Variants in TBCK observed in about 807,000 individuals in gnomAD.
TBCK encodes TBC1 domain containing kinase, also known as TBC domain-containing protein kinase-like protein.
In TBCK, 99 loss-of-function variants were observed where a neutral mutation model predicts 113.4. That is an observed-to-expected ratio of 0.87 (90% CI 0.74 to 1.03). The LOEUF is 1.03. TBCK is among the 50% of genes least tolerant of loss of function. The pLI, the probability that TBCK is intolerant of heterozygous loss-of-function variation, is 0.00. For synonymous variants in TBCK, 369 were observed against 370.8 expected (o/e 1.00, Z 0.05); for missense variants, 1,045 against 1,061.3 (o/e 0.98, Z 0.21).
intron 3 of TBCK, among the ~76,000 whole-genome samples, chr4:106,273,045 T>C (rs1041624461): frequency 1.3e-5 from 2 of 152,196 alleles, no homozygotes; most frequent in South Asian, 4.1e-4. Context: ...ACTATAAGTA[T>C]AGCCCTTTAA....
chr4:106,205,931 T>C (rs1755449844), intron 20 of TBCK, among the ~76,000 whole-genome samples: 1 of 152,056 alleles, frequency 6.6e-6, no homozygotes, highest in African/African-American at 2.4e-5. Flanking sequence ...GGTAAAACAA[T>C]ACCACTATTG....
At chr4:106,303,609 A>T (rs1222065933) in intron 2 of TBCK, among the ~76,000 whole-genome samples, 1 of 152,092 alleles carries the variant, frequency 6.6e-6, no homozygotes, top group Non-Finnish European at 1.5e-5. Context: ...CCCCAGAGTA[A>T]CCTTGAAAAC....
At chr4:106,148,270 C>T (rs893157456) in intron 23 of TBCK, among the ~76,000 whole-genome samples, 1 of 152,222 alleles carries the variant, frequency 6.6e-6, no homozygotes. Flanking sequence ...CTGTGACCCA[C>T]ACCTATTCGC....
At chr4:106,080,218 A>C (rs1738695711) in intron 25 of TBCK, among the ~76,000 whole-genome samples, 1 of 152,144 alleles carries the variant, frequency 6.6e-6, no homozygotes, top group South Asian at 2.1e-4. Flanking sequence ...AAAAAGTCCA[A>C]ATCATCAAAG....
chr4:106,292,442 C>A (rs1415581171), intron 3 of TBCK, among the ~76,000 whole-genome samples: 2 of 151,692 alleles, frequency 1.3e-5, no homozygotes, highest in Admixed American at 6.6e-5. Flanking sequence ...TGGTGGTGGG[C>A]GCCTGTAGTC....
intron 22 of TBCK, among the ~76,000 whole-genome samples, chr4:106,179,587 T>G (rs1752091247): frequency 6.6e-6 from 1 of 152,140 alleles, no homozygotes; most frequent in Non-Finnish European, 1.5e-5. Context: ...TTTCTAATTT[T>G]ATTCCATTGT....
intron 24 of TBCK, among the ~76,000 whole-genome samples, chr4:106,098,208 GC>G (rs1272749200): frequency 6.6e-6 from 1 of 151,876 alleles, no homozygotes; most frequent in Non-Finnish European, 1.5e-5. Context: ...TTTTAAAAAG[GC>G]CTTTCTCATT....
At chr4:106,212,589 A>T (rs1267492049) in intron 20 of TBCK, among the ~76,000 whole-genome samples, 161 bp downstream of exon 20, 1 of 152,210 alleles carries the variant, frequency 6.6e-6, no homozygotes, top group Non-Finnish European at 1.5e-5. Flanking sequence ...GGAAATATGG[A>T]AAGTAGCCAC....
At chr4:106,118,010 A>G (rs1015994758) in intron 23 of TBCK, among the ~76,000 whole-genome samples, 1 of 149,856 alleles carries the variant, frequency 6.7e-6, no homozygotes, top group African/African-American at 2.4e-5. Context: ...CTCCGTCTCA[A>G]AAAAAAAAAA....
rs530468232 is a variant in TBCK at position 106,163,810 on chromosome 4, T to C, written c.2235+7285A>G. On this transcript the variant is annotated intron_variant, in intron 23 of 25. Transcript: ENST00000394708. The stretch of plus-strand genomic sequence containing the variant: ...AATTACTACAATTCAAGATCAGACT[T>C]TGGGTGGGAACACAGTCAAACCATA... Among the ~76,000 whole-genome samples the C allele has an allele frequency of 1.2e-4, 18 of 152,218 alleles. No homozygotes were observed. The East Asian group carries it at 3.5e-3, about 30-fold the overall frequency.
intron 1 of TBCK, among the ~76,000 whole-genome samples, chr4:106,315,331 A>G (rs1400569789): frequency 6.6e-6 from 1 of 152,194 alleles, no homozygotes; most frequent in Non-Finnish European, 1.5e-5. Context: ...AACGACTCGA[A>G]TGGGGAAAGA....
intron 20 of TBCK, among the ~76,000 whole-genome samples, chr4:106,205,534 A>T (rs868758871): frequency 1.3e-3 from 180 of 140,260 alleles, no homozygotes; most frequent in African/African-American, 4.3e-3. Context: ...ACTTGAAGTC[A>T]GGAGTTCAAG....
Position 106,231,946 on chromosome 4 carries a change from T to C in TBCK, c.1640-167A>G, listed in dbSNP as rs73838163. Among the ~76,000 whole-genome samples, 391 of 151,920 alleles carry C rather than the reference T, an allele frequency of 2.6e-3. 1 individual carries two copies. The highest frequency in any genetic ancestry group is 8.4e-3 in the African/African-American group (349 of 41,546). On this transcript the variant is annotated intron_variant, in intron 17 of 25. Coordinates refer to ENST00000394708, the MANE Select transcript of TBCK (RefSeq NM_001163435.3). ...ATGAGTTACTGTGGGGAGTGAGTGA[T>C]AGTGTAGCACACAGTATGTGTCCAA...
intron 1 of TBCK, 70 bp from the exon 2 acceptor site, chr4:106,309,059 A>T (rs963874991): frequency 9.5e-7 from 1 of 1,050,244 alleles, no homozygotes; most frequent in Non-Finnish European, 1.4e-6. Context: ...AGCATGATTA[A>T]CATACAACTT....
At chr4:106,111,406 G>A (rs7664188) in intron 24 of TBCK, among the ~76,000 whole-genome samples, 35,232 of 152,088 alleles carry the variant, frequency 0.23, 4,156 homozygotes, top group South Asian at 0.27. Flanking sequence ...GACTTAAAAG[G>A]CTGCTCTTAT....
chr4:106,190,584 C>G (rs1287812678), intron 22 of TBCK, among the ~76,000 whole-genome samples: 1 of 152,124 alleles, frequency 6.6e-6, no homozygotes. Flanking sequence ...AAACTCAAAG[C>G]CTTATTGTTT....
intron 3 of TBCK, 99 bp from the exon 4 acceptor site, chr4:106,262,311 T>C (rs1214279703): frequency 1.4e-5 from 8 of 589,214 alleles, no homozygotes; most frequent in Admixed American, 3.1e-5. Context: ...CAAAAAGTTA[T>C]ATTTTTATTG....
intron 23 of TBCK, among the ~76,000 whole-genome samples, chr4:106,165,490 G>C (rs1191734439): frequency 1.3e-5 from 2 of 151,740 alleles, no homozygotes; most frequent in African/African-American, 4.8e-5. Flanking sequence ...TGTTTTTATA[G>C]TGGTTTCTAA....
intron 1 of TBCK, among the ~76,000 whole-genome samples, chr4:106,313,150 C>T (rs932758967): frequency 6.6e-6 from 1 of 152,130 alleles, no homozygotes; most frequent in Non-Finnish European, 1.5e-5. Context: ...AAGCATCAAA[C>T]GTAACTAGAA....
Sources: allele counts gnomAD v4.1 joint callset (sites outside exome capture counted in the v4.1 genomes callset), GRCh38; gene constraint gnomAD v4.1.1; transcripts MANE v1.5; gene names NCBI Gene and HGNC (gene_info 2026-07-23, HGNC 2026-07-21).